SPARC: variants seen among roughly 807,000 people sequenced by gnomAD.
SPARC encodes the protein secreted protein acidic and cysteine rich.
SPARC carries 23 observed loss-of-function variants against 37.7 expected under a neutral mutation model. The ratio of observed to expected loss-of-function variants is 0.61; its 90% CI spans 0.44 to 0.87. The LOEUF (loss-of-function observed/expected upper bound fraction) is 0.87, where lower values mean the gene tolerates loss of function less well. Among genes scored for constraint, SPARC ranks in the 40% least tolerant of loss-of-function variants. The probability of loss-of-function intolerance (pLI) is 0.00; values close to 1 mark genes in which losing one functional copy is unlikely to be tolerated. For synonymous variants in SPARC, 155 were observed against 150.8 expected, an observed-to-expected ratio of 1.03 and a Z score of -0.20; for missense variants, 312 against 389.0, an observed-to-expected ratio of 0.80 and a Z score of 1.66.
chr5:151,672,449 T>C (rs765918550), intron 4 of SPARC: 4 of 152,424 alleles, frequency 2.6e-5, no homozygotes, highest in Non-Finnish European at 4.4e-5. Flanking sequence ...ATCAGCCCCA[T>C]ATGAGAGATG....
intron 4 of SPARC, 51 bp from the exon 5 acceptor site, chr5:151,671,745 A>AC (rs1293067756): frequency 6.2e-7 from 1 of 1,606,192 alleles, no homozygotes; most frequent in African/African-American, 1.3e-5. Context: ...TAGCACATCC[A>AC]CCCCCATCCT....
intron 2 of SPARC, among the ~76,000 whole-genome samples, 153 bp downstream of exon 2, chr5:151,675,979 A>G (rs967629513): frequency 7.2e-5 from 11 of 151,818 alleles, no homozygotes; most frequent in Non-Finnish European, 1.5e-4. Flanking sequence ...CCCAGTTTTT[A>G]TCCCGAGCTT....
chr5:151,671,822 G>T, intron 4 of SPARC, 128 bp from the exon 5 acceptor site: 1 of 1,219,600 alleles, frequency 8.2e-7, no homozygotes, highest in Non-Finnish European at 1.2e-6. Context: ...GGACAGCCCT[G>T]AGTCCTGCCT....
intron 5 of SPARC, among the ~76,000 whole-genome samples, chr5:151,671,016 C>G (rs1014520276): frequency 3.3e-5 from 5 of 152,062 alleles, no homozygotes; most frequent in Non-Finnish European, 7.4e-5. Context: ...TTTACTTGGA[C>G]GGATGGATGG....
At position 151,674,072 on chromosome 5, in the gene SPARC, C is replaced by T. The variant is rs568899034; in HGVS notation, c.120+540G>A. ...TGTCGCCCAGGGTAGAGTACAGTGG[C>T]GAGATCTTGGCTAACTGCAACCTCC... On this transcript the variant is annotated intron_variant, in intron 3 of 9. Coordinates refer to ENST00000231061, the MANE Select transcript of SPARC (RefSeq NM_003118.4). Among the ~76,000 whole-genome samples, 13 of 151,462 alleles carry T rather than the reference C, an allele frequency of 8.6e-5. No homozygotes were observed. The South Asian group carries it at 1.9e-3, about 22-fold the overall frequency.
At position 151,673,182 on chromosome 5, in the gene SPARC, A is replaced by G; in HGVS notation, c.155T>C (p.Val52Ala). ...SVGANPVQVEVGEFDDGAEET... is the reference protein window; with the variant it reads ...SVGANPVQVEAGEFDDGAEET... ...CTCTGCACCATCATCAAATTCTCCT[A>G]CTTCCACCTGGACAGGATTAGCTCC... The change falls in exon 4 of 10, where the codon GTA (valine) becomes GCA (alanine). Residue 52 changes from valine (V) to alanine (A), a missense_variant. Transcript: ENST00000231061. 6.2e-7 allele frequency: 1 copy of G among 1,613,566 alleles called. No homozygotes were observed. Among genetic ancestry groups the G allele is most frequent in the Non-Finnish European group, 8.5e-7 (1 of 1,179,484 alleles).
At chr5:151,683,686 G>GT (rs140466912) in intron 1 of SPARC, among the ~76,000 whole-genome samples, 3,312 of 152,340 alleles carry the variant, frequency 0.022, 50 homozygotes, top group Non-Finnish European at 0.031. Context: ...GCATGTCTGT[G>GT]TAAGTTACAT....
intron 9 of SPARC, 34 bp downstream of exon 9, chr5:151,664,053 C>T (rs748865544): frequency 3.1e-6 from 5 of 1,613,346 alleles, no homozygotes; most frequent in Middle Eastern, 1.6e-4. Flanking sequence ...AGTGTTTCTG[C>T]CCATGCCCCT....
At chr5:151,675,407 C>G (rs556766984) in intron 2 of SPARC, among the ~76,000 whole-genome samples, 30 of 152,262 alleles carry the variant, frequency 2.0e-4, no homozygotes, top group Non-Finnish European at 3.1e-4. Flanking sequence ...TGCAATGCTT[C>G]GAGGAACTGT....
chr5:151,685,299 A>G (rs1761107090), intron 1 of SPARC: 3 of 151,956 alleles, frequency 2.0e-5, no homozygotes, highest in Admixed American at 6.6e-5. Flanking sequence ...AAATACACAC[A>G]TTTGTTACCA....
chr5:151,667,471 A>G lies in SPARC; in HGVS notation c.581T>C (p.Leu194Pro). The G allele has an allele frequency of 6.2e-6, 10 of 1,614,204 alleles. No homozygotes were observed. Among genetic ancestry groups the G allele is most frequent in the Non-Finnish European group, 8.5e-6 (10 of 1,180,016 alleles). ...DNNLLTEKQK[L>P]RVKKIHENEK... ...AAGGCCAGAGAGACCACTTACCCGC[A>G]GCTTCTGCTTCTCAGTCAGAAGGTT... Residue 194 changes from leucine (L) to proline (P), a missense_variant, in exon 7 of 10, where the codon CTG (leucine) becomes CCG (proline). Physicochemically the swap from Leu to Pro is moderately conservative, Grantham distance 98. Transcript: ENST00000231061.
chr5:151,663,314 T>C lies in SPARC; in HGVS notation c.*257A>G, dbSNP rs1410886614. The C allele has an allele frequency of 3.9e-6, 2 of 507,614 alleles. No individual in the cohort carries two copies. Among genetic ancestry groups the C allele is most frequent in the Non-Finnish European group, 7.0e-6 (2 of 285,130 alleles). The allele number at this position is 507,614 out of a possible 1,614,324, so 31.4% of individuals were successfully genotyped here. On this transcript the variant is annotated 3_prime_UTR_variant, in exon 10 of 10. Transcript: ENST00000231061. The stretch of plus-strand genomic sequence containing the variant: ...GTCCACCCATGTGCCAATAAGACAA[T>C]GGGCAAAGCTACAAATGGCAAGAGA...
intron 1 of SPARC, 148 bp from the exon 2 acceptor site, chr5:151,676,349 T>C: frequency 1.7e-6 from 1 of 590,260 alleles, no homozygotes. Flanking sequence ...CATTTAATAT[T>C]CTTTCAATTC....
intron 1 of SPARC, among the ~76,000 whole-genome samples, chr5:151,676,709 T>C (rs984670658): frequency 6.6e-6 from 1 of 152,170 alleles, no homozygotes; most frequent in African/African-American, 2.4e-5. Context: ...ATCTTCAAGG[T>C]CCCTTCAATC....
rs1322687223 is a variant in SPARC, at chr5:151,664,220, G to A, written c.750C>T (p.Thr250=). Residue 250 remains threonine, a synonymous_variant, in exon 9 of 10, where the codon ACC becomes ACT. Coordinates refer to ENST00000231061, the MANE Select transcript of SPARC (RefSeq NM_003118.4). ...QHPIDGYLSH[T]ELAPLRAPLI... Reference sequence around the variant, plus strand: ...GGGGAGCACGCAGTGGAGCCAGCTCGGTGTGGGAGAGGTACCTGCAGGGAA... The same window carrying A: ...GGGGAGCACGCAGTGGAGCCAGCTCAGTGTGGGAGAGGTACCTGCAGGGAA... The A allele has an allele frequency of 9.3e-6, 15 of 1,613,818 alleles. No individual in the cohort carries two copies. Among genetic ancestry groups the A allele is most frequent in the East Asian group, 4.5e-5 (2 of 44,888 alleles).
Position 151,663,483 on chromosome 5 carries a change from A to G in SPARC, c.*88T>C. ...TGTTAGCACCTTGTCTCCAGGCAGA[A>G]CAACAAACCATCCAAACATTTTAAA... On this transcript the variant is annotated 3_prime_UTR_variant, in exon 10 of 10. Transcript: ENST00000231061. 1 of 1,321,110 alleles carries G rather than the reference A, an allele frequency of 7.6e-7. No individual in the cohort carries two copies. Among genetic ancestry groups the G allele is most frequent in the South Asian group, 1.2e-5 (1 of 83,338 alleles). The allele number at this position is 1,321,110 out of a possible 1,614,324, so 81.8% of individuals were successfully genotyped here. A position where few individuals can be genotyped will look rare whatever the true frequency, so the allele number is the denominator to read the frequency against.
chr5:151,677,551 C>A lies in SPARC; in HGVS notation c.-13-1350G>T, dbSNP rs1268309335. ...TTGTTCTACCACAGTAGTATCAAGTCTTTTGGTCTCTCTAGACCTTGGTTC... is the reference window on the plus strand; with the variant it reads ...TTGTTCTACCACAGTAGTATCAAGTATTTTGGTCTCTCTAGACCTTGGTTC... On this transcript the variant is annotated intron_variant, in intron 1 of 9. Transcript: ENST00000231061. 3.3e-5 allele frequency among the ~76,000 whole-genome samples: 5 copies of A among 152,144 alleles called. No individual in the cohort carries two copies. In the East Asian group the frequency reaches 9.6e-4, roughly 29 times the overall value.
rs151302484 is a variant in SPARC at position 151,671,731 on chromosome 5, G to C, written c.209-37C>G. 806 of 1,611,738 alleles carry C rather than the reference G, an allele frequency of 5.0e-4. 6 individuals carry two copies. In the African/African-American group the frequency reaches 9.8e-3, roughly 20 times the overall value. On this transcript the variant is annotated intron_variant, in intron 4 of 9. Transcript: ENST00000231061. ...AAAGACAAGGGAGTTAGCATCACCT[G>C]GACTAGCACATCCACCCCCATCCTA... is the stretch of plus-strand genomic sequence containing the variant.
chr5:151,664,703 A>G (rs1760586609), intron 8 of SPARC, among the ~76,000 whole-genome samples: 1 of 152,222 alleles, frequency 6.6e-6, no homozygotes, highest in African/African-American at 2.4e-5. Context: ...AAAGGGTCTA[A>G]AAATGACACA....
Sources: allele counts gnomAD v4.1 joint callset (sites outside exome capture counted in the v4.1 genomes callset), GRCh38; gene constraint gnomAD v4.1.1; transcripts MANE v1.5; gene names NCBI Gene and HGNC (gene_info 2026-07-23, HGNC 2026-07-21).